EPC2: variants seen among roughly 807,000 people sequenced by gnomAD.
EPC2 encodes the protein enhancer of polycomb homolog 2.
EPC2 carries 14 observed loss-of-function variants against 92.1 expected under a neutral mutation model. The observed-to-expected ratio is 0.15, with a 90% CI of 0.10 to 0.24. The LOEUF (loss-of-function observed/expected upper bound fraction) is 0.24. EPC2 is among the 10% of genes least tolerant of loss of function. EPC2 has a pLI of 1.00. For missense variants in EPC2, 755 were observed against 971.5 expected (o/e 0.78, Z 2.96); for synonymous variants, 340 against 334.7 (o/e 1.02, Z -0.17).
chr2:148,723,033 G>A (rs1211609919), intron 2 of EPC2, among the ~76,000 whole-genome samples: 1 of 152,178 alleles, frequency 6.6e-6, no homozygotes. Context: ...CAGGGTGGAG[G>A]ATGGAAGGAG....
Position 148,784,828 on chromosome 2 carries a change from C to G in EPC2, c.2178C>G (p.Cys726Trp), listed in dbSNP as rs780421404. The change falls in exon 13 of 14, where the codon TGC becomes TGG. Residue 726 changes from cysteine (C) to tryptophan (W), a missense_variant. Cys to Trp is a radical substitution (Grantham distance 215). This residue lies in a region of EPC2 where 207 missense variants were observed against 260.5 expected (regional missense o/e 0.79). Coordinates refer to ENST00000258484, the MANE Select transcript of EPC2 (RefSeq NM_015630.4). ...AGACACTTCCCATGAACAATTCCTG[C>G]CTGACAAATGCAGTGCACCTCAATA... ...SPQTLPMNNS[C>W]LTNAVHLNNV... The G allele has an allele frequency of 6.2e-7, 1 of 1,613,960 alleles. No homozygotes were observed. Among genetic ancestry groups the G allele is most frequent in the Non-Finnish European group, 8.5e-7 (1 of 1,179,870 alleles).
At position 148,787,543 on chromosome 2, in the gene EPC2, G is replaced by C. The variant is rs1683895826; in HGVS notation, c.*1166G>C. 6.6e-6 allele frequency: 1 copy of C among 152,458 alleles called. No homozygotes were observed. The allele number at this position is 152,458 out of a possible 1,614,324, so 9.4% of individuals were successfully genotyped here. A position where few individuals can be genotyped will look rare whatever the true frequency, so the allele number is the denominator to read the frequency against. The stretch of plus-strand genomic sequence containing the variant: ...GTTCTTGATAAGTGAAAACTGCAGG[G>C]AAATAAAAAATACATATCAAAACAT... On this transcript the variant is annotated 3_prime_UTR_variant, in exon 14 of 14. Transcript: ENST00000258484.
intron 1 of EPC2, among the ~76,000 whole-genome samples, chr2:148,670,373 A>G (rs1056882714): frequency 7.9e-5 from 12 of 151,922 alleles, no homozygotes; most frequent in African/African-American, 2.9e-4. Context: ...TTGAGAGACA[A>G]TTCATATAAT....
At chr2:148,774,619 A>G (rs1366113100) in intron 10 of EPC2, among the ~76,000 whole-genome samples, 1 of 111,840 alleles carries the variant, frequency 8.9e-6, no homozygotes, top group Non-Finnish European at 1.9e-5. Flanking sequence ...AAAAAAAAAT[A>G]TATTTTATAT....
chr2:148,729,598 T>C (rs1267032636), intron 2 of EPC2, among the ~76,000 whole-genome samples: 6 of 152,198 alleles, frequency 3.9e-5, no homozygotes, highest in African/African-American at 1.4e-4. Flanking sequence ...TTCTAAACTA[T>C]TACTGTCCTT....
chr2:148,722,036 T>G (rs1682390591), intron 2 of EPC2, among the ~76,000 whole-genome samples: 2 of 152,184 alleles, frequency 1.3e-5, no homozygotes, highest in South Asian at 4.1e-4. Context: ...TATCTGACTC[T>G]GATTCTGATG....
chr2:148,653,196 T>C (rs1007817252), intron 1 of EPC2, among the ~76,000 whole-genome samples: 10 of 152,242 alleles, frequency 6.6e-5, no homozygotes, highest in African/African-American at 2.4e-4. Flanking sequence ...ATAAAAAGTT[T>C]GTAATACAGG....
At chr2:148,748,912 C>T (rs1220030247) in intron 3 of EPC2, among the ~76,000 whole-genome samples, 1 of 151,994 alleles carries the variant, frequency 6.6e-6, no homozygotes, top group Non-Finnish European at 1.5e-5. Flanking sequence ...TATTATTTTT[C>T]AGCTGGACCA....
intron 1 of EPC2, among the ~76,000 whole-genome samples, chr2:148,654,963 T>C (rs1680761669): frequency 6.6e-6 from 1 of 152,112 alleles, no homozygotes; most frequent in Admixed American, 6.5e-5. Context: ...ATGCAGTGGG[T>C]GTTGTACACT....
intron 1 of EPC2, among the ~76,000 whole-genome samples, chr2:148,661,329 A>T (rs72862676): frequency 3.2e-3 from 494 of 152,248 alleles, no homozygotes; most frequent in Non-Finnish European, 5.4e-3. Context: ...CTCTCTCATT[A>T]TACCTTATAA....
chr2:148,692,510 A>C (rs906682347), intron 2 of EPC2: 8 of 152,140 alleles, frequency 5.3e-5, no homozygotes, highest in Non-Finnish European at 5.9e-5. Flanking sequence ...TTTTCCACAG[A>C]TTTCTTTTCT....
chr2:148,675,012 C>A (rs1681234203), intron 1 of EPC2, among the ~76,000 whole-genome samples: 1 of 152,174 alleles, frequency 6.6e-6, no homozygotes, highest in African/African-American at 2.4e-5. Context: ...TTTAGGAACT[C>A]TACATGACTG....
At chr2:148,738,123 A>AAAC (rs3077276) in intron 2 of EPC2, among the ~76,000 whole-genome samples, 23,930 of 151,940 alleles carry the variant, frequency 0.16, 2,583 homozygotes, top group East Asian at 0.45. Context: ...ATGCCATTTG[A>AAAC]AACAACAACA....
chr2:148,728,141 C>T (rs1313696586), intron 2 of EPC2, among the ~76,000 whole-genome samples: 1 of 152,124 alleles, frequency 6.6e-6, no homozygotes, highest in Non-Finnish European at 1.5e-5. Context: ...AGGAGCTTAC[C>T]ATGTTGCTCA....
chr2:148,681,194 T>C (rs529875052), intron 1 of EPC2, among the ~76,000 whole-genome samples: 8 of 152,190 alleles, frequency 5.3e-5, no homozygotes, highest in Non-Finnish European at 1.0e-4. Flanking sequence ...AAAACAGATA[T>C]AAACGTCCAC....
chr2:148,728,760 C>T (rs1172381657), intron 2 of EPC2, among the ~76,000 whole-genome samples: 18 of 149,412 alleles, frequency 1.2e-4, no homozygotes, highest in Non-Finnish European at 1.5e-4. Flanking sequence ...AGGCCGGGCA[C>T]GGTAGCTCAC....
At chr2:148,755,980 A>G (rs796983888) in intron 4 of EPC2, among the ~76,000 whole-genome samples, 5 of 152,344 alleles carry the variant, frequency 3.3e-5, no homozygotes, top group South Asian at 2.1e-4. Flanking sequence ...ATGCCTTTTG[A>G]AGGAAATTAT....
Position 148,644,998 on chromosome 2 carries a change from T to TC in EPC2, c.-18dup. The TC allele has an allele frequency of 6.5e-7, 1 of 1,544,330 alleles. No individual in the cohort carries two copies. The highest frequency in any genetic ancestry group is 8.7e-7 in the Non-Finnish European group (1 of 1,143,726). ...GCCCCGCCGCCGCCGCCCGGGCTGT[T>TC]CCTGTAAGGCGGGGAGACAATGAGT... On this transcript the variant is annotated 5_prime_UTR_variant, in exon 1 of 14. Coordinates refer to ENST00000258484, the MANE Select transcript of EPC2 (RefSeq NM_015630.4).
Position 148,784,778 on chromosome 2 carries a change from C to G in EPC2, c.2128C>G (p.Pro710Ala). Residue 710 changes from proline to alanine, a missense_variant, in exon 13 of 14, where the codon CCA (proline) becomes GCA (alanine). By Grantham distance (27) the Pro-to-Ala change is conservative (BLOSUM62 -1). Transcript: ENST00000258484. Reference protein sequence around the residue: ...VGHTTTNHLIPALCTSSPQTL... With the variant: ...VGHTTTNHLIAALCTSSPQTL... ...CCACACCACTACAAACCACTTAATC[C>G]CAGCATTGTGCACAAGCAGTCCTCA... The G allele has an allele frequency of 1.2e-6, 2 of 1,613,994 alleles. No individual in the cohort carries two copies. Among genetic ancestry groups the G allele is most frequent in the East Asian group, 4.5e-5 (2 of 44,890 alleles).
Sources: allele counts gnomAD v4.1 joint callset (sites outside exome capture counted in the v4.1 genomes callset), GRCh38; gene constraint gnomAD v4.1.1; regional missense constraint gnomAD v4.1.1; transcripts MANE v1.5; gene names NCBI Gene and HGNC (gene_info 2026-07-23, HGNC 2026-07-21).